The following SRSF5 variants were observed in gnomAD, a reference collection of about 807,000 sequenced individuals.
SRSF5 encodes the protein serine and arginine rich splicing factor 5.
Under a neutral mutation model 34.0 loss-of-function variants are expected in SRSF5, and 5 were observed. That is an observed-to-expected ratio of 0.15 (90% CI 0.08 to 0.31). The LOEUF is 0.31. SRSF5 is among the 10% of genes least tolerant of loss of function. The pLI is 1.00. For missense variants in SRSF5, 223 were observed against 351.4 expected (o/e 0.63, Z 2.92); for synonymous variants, 164 against 117.7 (o/e 1.39, Z -2.55).
chr14:69,770,544 T>C lies in SRSF5; in HGVS notation c.440+4T>C, dbSNP rs751257865. On this transcript the variant is annotated splice_donor_region_variant and intron_variant, in intron 6 of 7. Transcript: ENST00000557154. Reference sequence around the variant, plus strand: ...ACCGACCTAAATTAAATGAAGGGTATGTACTGGAAACTGTGAAAGTCTTTA... The same window carrying C: ...ACCGACCTAAATTAAATGAAGGGTACGTACTGGAAACTGTGAAAGTCTTTA... 2.5e-6 allele frequency: 4 copies of C among 1,611,594 alleles called. No individual in the cohort carries two copies. The highest frequency in any genetic ancestry group is 3.4e-6 in the Non-Finnish European group (4 of 1,178,632).
At chr14:69,770,802 C>T in intron 6 of SRSF5, 193 bp from the exon 7 acceptor site, 2 of 652,350 alleles carry the variant, frequency 3.1e-6, no homozygotes, top group South Asian at 2.0e-5. Context: ...CATAGGGAAC[C>T]CCCTCAACAA....
At chr14:69,768,070 G>A in intron 1 of SRSF5, 68 bp from the exon 2 acceptor site, 2 of 1,553,322 alleles carry the variant, frequency 1.3e-6, no homozygotes. Context: ...TGATGTTTTT[G>A]ATTGTTTAAT....
intron 1 of SRSF5, chr14:69,767,765 C>T (rs1882691947): frequency 2.6e-5 from 9 of 351,572 alleles, no homozygotes; most frequent in South Asian, 1.9e-4. Context: ...CCCGCTGTGA[C>T]GCGCCCGCGA....
chr14:69,768,013 G>T, intron 1 of SRSF5, 125 bp from the exon 2 acceptor site: 3 of 1,108,646 alleles, frequency 2.7e-6, no homozygotes, highest in South Asian at 3.0e-5. Flanking sequence ...TAGAGGCTCT[G>T]TTGGCAATCT....
In SRSF5 at chr14:69,771,350, T is replaced by C. The variant is rs151038289; in HGVS notation, c.708T>C (p.Pro236=). The C allele has an allele frequency of 1.9e-5, 31 of 1,614,086 alleles. No individual in the cohort carries two copies. Among genetic ancestry groups the C allele is most frequent in the Non-Finnish European group, 2.4e-5 (28 of 1,180,058 alleles). The change falls in exon 8 of 8, where the codon CCT becomes CCC. Residue 236 remains proline (P), a synonymous_variant. Coordinates refer to ENST00000557154, the MANE Select transcript of SRSF5 (RefSeq NM_001320214.2). ...KSRSVSRSPV[P]EKSQKRGSSS... is the part of the protein sequence containing the mutation. ...GTTCTGTTAGTAGGTCTCCCGTGCC[T>C]GAGAAGAGCCAGAAACGTGGTTCTT...
Position 69,771,386 on chromosome 14 carries a change from T to C in SRSF5, c.744T>C (p.Ser248=), listed in dbSNP as rs766646211. Residue 248 remains serine, a synonymous_variant, in exon 8 of 8, where the codon TCT becomes TCC. Coordinates refer to ENST00000557154, the MANE Select transcript of SRSF5 (RefSeq NM_001320214.2). ...AGAAACGTGGTTCTTCAAGTAGATC[T>C]AAGTCTCCAGCATCTGTGGATCGCC... is the stretch of plus-strand genomic sequence containing the variant. ...KSQKRGSSSR[S]KSPASVDRQR... is the part of the protein sequence containing the mutation. The C allele has an allele frequency of 3.7e-6, 6 of 1,614,126 alleles. No homozygotes were observed. The African/African-American group carries it at 8.0e-5, about 22-fold the overall frequency.
chr14:69,769,692 G>A, intron 5 of SRSF5: 1 of 1,470,784 alleles, frequency 6.8e-7, no homozygotes, highest in Non-Finnish European at 9.0e-7. Flanking sequence ...GAAGTGCCAG[G>A]TTGCAGCGAT....
chr14:69,770,392 G>C, intron 5 of SRSF5, 75 bp from the exon 6 acceptor site: 3 of 1,565,720 alleles, frequency 1.9e-6, no homozygotes, highest in Non-Finnish European at 2.6e-6. Context: ...CAGTAGTCTT[G>C]TTTTTTTTAT....
rs1882853036 is a variant in SRSF5, at chr14:69,768,786, C to A, written c.198-12C>A. On this transcript the variant is annotated splice_polypyrimidine_tract_variant and intron_variant, in intron 3 of 7. Transcript: ENST00000557154. ...TAAGTGTGTAACGGAGATTTTTCTT[C>A]CCTTTTTGTAGGGTTACTATTGAAC... The A allele has an allele frequency of 6.2e-7, 1 of 1,613,630 alleles. No homozygotes were observed. Among genetic ancestry groups the A allele is most frequent in the Admixed American group, 1.7e-5 (1 of 59,970 alleles).
intron 5 of SRSF5, 144 bp from the exon 6 acceptor site, chr14:69,770,323 C>G (rs1394476970): frequency 9.1e-6 from 13 of 1,421,236 alleles, no homozygotes; most frequent in African/African-American, 1.5e-5. Flanking sequence ...TTTTTGAATT[C>G]TGATAGAATA....
chr14:69,768,052 T>C lies in SRSF5; in HGVS notation c.-19-86T>C, dbSNP rs188524991. 128 of 1,468,548 alleles carry C rather than the reference T, an allele frequency of 8.7e-5. No homozygotes were observed. The African/African-American group carries it at 1.5e-3, about 17-fold the overall frequency. 91.0% of individuals were successfully genotyped at this position (1,468,548 alleles called of 1,614,324 possible). On this transcript the variant is annotated intron_variant, in intron 1 of 7. Coordinates refer to ENST00000557154, the MANE Select transcript of SRSF5 (RefSeq NM_001320214.2). ...TCATAACATCACTGTGTAAACATTT[T>C]ATGCCGTTGATGTTTTTGATTGTTT...
rs771027990 is a variant in SRSF5 at position 69,771,506 on chromosome 14, A to C, written c.*45A>C. On this transcript the variant is annotated 3_prime_UTR_variant, in exon 8 of 8. Transcript: ENST00000557154. Reference sequence around the variant, plus strand: ...GGGGGCCTTTTTTTAAAAAACAAAAACCACAAAAATTCCCAAACCATACTT... The same window carrying C: ...GGGGGCCTTTTTTTAAAAAACAAAACCCACAAAAATTCCCAAACCATACTT... The C allele has an allele frequency of 1.5e-5, 23 of 1,523,890 alleles. No homozygotes were observed. The African/African-American group carries it at 2.7e-4, about 18-fold the overall frequency. The allele number at this position is 1,523,890 out of a possible 1,614,324, so 94.4% of individuals were successfully genotyped here. A position where few individuals can be genotyped will look rare whatever the true frequency, so the allele number is the denominator to read the frequency against.
At chr14:69,769,992 C>T (rs1566627412) in intron 5 of SRSF5, 5 of 1,033,982 alleles carry the variant, frequency 4.8e-6, no homozygotes, top group Non-Finnish European at 5.8e-6. Flanking sequence ...AAGGTTTCTC[C>T]GACCGATTAA....
chr14:69,770,652 A>T, intron 6 of SRSF5, 112 bp downstream of exon 6: 1 of 1,027,864 alleles, frequency 9.7e-7, no homozygotes, highest in Middle Eastern at 2.7e-4. Flanking sequence ...TTCTCCAGAG[A>T]CAATTTTGCT....
At chr14:69,767,620 G>A (rs1390328355) in intron 1 of SRSF5, 3 of 441,264 alleles carry the variant, frequency 6.8e-6, no homozygotes, top group African/African-American at 2.0e-5. Context: ...TTGCTGGGAG[G>A]AGAAGGGAAG....
chr14:69,769,461 T>C, intron 5 of SRSF5: 2 of 1,534,146 alleles, frequency 1.3e-6, no homozygotes, highest in Non-Finnish European at 1.7e-6. Flanking sequence ...ATATTTTTCT[T>C]GTTTTTTAAA....
chr14:69,770,392 G>T (rs983276028), intron 5 of SRSF5, 75 bp from the exon 6 acceptor site: 39 of 1,565,600 alleles, frequency 2.5e-5, no homozygotes, highest in South Asian at 3.6e-5. Flanking sequence ...CAGTAGTCTT[G>T]TTTTTTTTAT....
chr14:69,770,510 C>T lies in SRSF5; in HGVS notation c.410C>T (p.Ala137Val), dbSNP rs759069069. Reference protein sequence around the residue: ...FMRQAGEVTFADAHRPKLNEG... With the variant: ...FMRQAGEVTFVDAHRPKLNEG... Reference sequence around the variant, plus strand: ...AGACAAGCTGGGGAAGTAACGTTTGCGGATGCACACCGACCTAAATTAAAT... The same window carrying T: ...AGACAAGCTGGGGAAGTAACGTTTGTGGATGCACACCGACCTAAATTAAAT... Residue 137 changes from alanine to valine, a missense_variant, in exon 6 of 8, where the codon GCG becomes GTG. By Grantham distance (64) the Ala-to-Val change is moderately conservative. Around this residue, in one of 4 missense-constraint regions of SRSF5, gnomAD observed 37 missense variants for 96.7 expected, o/e 0.38. Transcript: ENST00000557154. The T allele has an allele frequency of 1.1e-5, 17 of 1,613,722 alleles. No homozygotes were observed. The highest frequency in any genetic ancestry group is 2.7e-5 in the African/African-American group (2 of 74,960).
chr14:69,767,615 GGGA>G (rs1405234594), intron 1 of SRSF5: 1 of 444,554 alleles, frequency 2.2e-6, no homozygotes, highest in Non-Finnish European at 4.5e-6. Flanking sequence ...GGGGGTTGCT[GGGA>G]GGAGAAGGGA....
Sources: allele counts gnomAD v4.1 joint callset, GRCh38; gene constraint gnomAD v4.1.1; regional missense constraint gnomAD v4.1.1; transcripts MANE v1.5; gene names NCBI Gene and HGNC (gene_info 2026-07-23, HGNC 2026-07-21).